Variants in CHST12 observed in about 807,000 individuals in gnomAD.
CHST12 encodes the protein carbohydrate (chondroitin 4) sulfotransferase 12.
CHST12 carries 23 observed loss-of-function variants against 27.9 expected under a neutral mutation model. The ratio of observed to expected loss-of-function variants is 0.82; its 90% confidence interval spans 0.59 to 1.17. The LOEUF (loss-of-function observed/expected upper bound fraction) is 1.17, where lower values mean the gene tolerates loss of function less well. Ranked by LOEUF, CHST12 falls within the 50% of genes most tolerant of loss-of-function variation. The pLI is 0.00. For synonymous variants in CHST12, 322 were observed against 273.0 expected (o/e 1.18, Z -1.77); for missense variants, 682 against 603.0 (o/e 1.13, Z -1.37).
intron 1 of CHST12, among the ~76,000 whole-genome samples, chr7:2,415,499 T>C (rs954078470): frequency 6.6e-6 from 1 of 152,236 alleles, no homozygotes; most frequent in Non-Finnish European, 1.5e-5. Flanking sequence ...ATCTGAGCCT[T>C]CAGCGAGTGG....
At position 2,412,487 on chromosome 7, in the gene CHST12, T is replaced by C. The variant is rs560257260; in HGVS notation, c.-78+8814T>C. Among the ~76,000 whole-genome samples, 19 of 152,332 alleles carry C rather than the reference T, an allele frequency of 1.2e-4. No homozygotes were observed. The South Asian group carries it at 3.9e-3, about 32-fold the overall frequency. On this transcript the variant is annotated intron_variant, in intron 1 of 1. Coordinates refer to ENST00000618655, the MANE Select transcript of CHST12 (RefSeq NM_018641.5). ...CTGGTCTTTGTGTCAGTAGCATAAA[T>C]AAATAAACTTGAAACATTCTTGCGC... is the stretch of plus-strand genomic sequence containing the variant.
At chr7:2,418,625 G>A (rs1044981528) in intron 1 of CHST12, among the ~76,000 whole-genome samples, 11 of 152,214 alleles carry the variant, frequency 7.2e-5, no homozygotes, top group African/African-American at 2.7e-4. Context: ...TGTTTTGGAA[G>A]CAGGTGGGAT....
Position 2,432,852 on chromosome 7 carries a change from C to T in CHST12, c.213C>T (p.Asp71=). 6.2e-7 allele frequency: 1 copy of T among 1,613,882 alleles called. No individual in the cohort carries two copies. Among genetic ancestry groups the T allele is most frequent in the Non-Finnish European group, 8.5e-7 (1 of 1,179,918 alleles). ...ACTCCGATGTCGACGAGTTTCTGGACAAGTTTCTCAGTGCTGGCGTGAAGC... is the reference window on the plus strand; with the variant it reads ...ACTCCGATGTCGACGAGTTTCTGGATAAGTTTCTCAGTGCTGGCGTGAAGC... ...TADSDVDEFL[D]KFLSAGVKQS... is the part of the protein sequence containing the mutation. The change falls in exon 2 of 2, where the codon GAC becomes GAT. Residue 71 remains aspartate, a synonymous_variant. Coordinates refer to ENST00000618655, the MANE Select transcript of CHST12 (RefSeq NM_018641.5).
At chr7:2,407,451 A>G (rs1781552881) in intron 1 of CHST12, among the ~76,000 whole-genome samples, 1 of 152,150 alleles carries the variant, frequency 6.6e-6, no homozygotes, top group Admixed American at 6.6e-5. Flanking sequence ...CCATCTCTAA[A>G]AAATAAAATA....
intron 1 of CHST12, among the ~76,000 whole-genome samples, chr7:2,426,938 C>T (rs750508958): frequency 3.7e-4 from 57 of 152,008 alleles, no homozygotes; most frequent in Non-Finnish European, 1.0e-4. Flanking sequence ...TTGCAGTGAG[C>T]CAAGATCATG....
In CHST12 at chr7:2,446,517, G is replaced by T. The variant is rs1782755719; in HGVS notation, c.*12633G>T. On this transcript the variant is annotated 3_prime_UTR_variant, in exon 2 of 2. Coordinates refer to ENST00000618655, the MANE Select transcript of CHST12 (RefSeq NM_018641.5). ...ACGGAGCCACGACCTGTCCCTCAGG[G>T]CTCAGCGCTGCGGCTATGTCCAGGG... The T allele has an allele frequency of 6.5e-6, 1 of 152,710 alleles. No individual in the cohort carries two copies. The highest frequency in any genetic ancestry group is 1.5e-5 in the Non-Finnish European group (1 of 68,080). 9.5% of individuals were successfully genotyped at this position (152,710 alleles called of 1,614,324 possible). A position where few individuals can be genotyped will look rare whatever the true frequency, so the allele number is the denominator to read the frequency against.
At position 2,438,718 on chromosome 7, in the gene CHST12, G is replaced by A. The variant is rs1194275706; in HGVS notation, c.*4834G>A. Reference sequence around the variant, plus strand: ...CACACATCTGTTGTGTTTTGCCTGTGTGCATTCCTCCTCCTGGTCAGAGAG... The same window carrying A: ...CACACATCTGTTGTGTTTTGCCTGTATGCATTCCTCCTCCTGGTCAGAGAG... On this transcript the variant is annotated 3_prime_UTR_variant, in exon 2 of 2. Coordinates refer to ENST00000618655, the MANE Select transcript of CHST12 (RefSeq NM_018641.5). 1 of 152,230 alleles carries A rather than the reference G, an allele frequency of 6.6e-6. No homozygotes were observed. The highest frequency in any genetic ancestry group is 1.9e-4 in the East Asian group (1 of 5,198). 9.4% of individuals were successfully genotyped at this position (152,230 alleles called of 1,614,324 possible).
intron 1 of CHST12, among the ~76,000 whole-genome samples, chr7:2,428,340 G>A (rs1314088792): frequency 5.3e-5 from 8 of 151,818 alleles, no homozygotes; most frequent in Non-Finnish European, 1.0e-4. Context: ...GATTACAGGC[G>A]TCCACCACCA....
At chr7:2,430,083 T>G (rs1782236190) in intron 1 of CHST12, among the ~76,000 whole-genome samples, 1 of 151,886 alleles carries the variant, frequency 6.6e-6, no homozygotes, top group Non-Finnish European at 1.5e-5. Flanking sequence ...GTGCCCGGCC[T>G]TTTCTGCTTT....
At chr7:2,428,478 C>T (rs1562517783) in intron 1 of CHST12, among the ~76,000 whole-genome samples, 1 of 152,142 alleles carries the variant, frequency 6.6e-6, no homozygotes, top group Admixed American at 6.6e-5. Flanking sequence ...AATAGACACA[C>T]ACAAGACAGT....
intron 1 of CHST12, among the ~76,000 whole-genome samples, chr7:2,425,691 C>CTTTTTTTTTTTTTTTTTTTTTTTTTT (rs760502452): frequency 4.4e-5 from 6 of 137,870 alleles, no homozygotes; most frequent in South Asian, 2.3e-4. Flanking sequence ...ACTGCATTTG[C>CTTTTTTTTTTTTTTTTTTTTTTTTTT]TTTTTTTTTT....
intron 1 of CHST12, among the ~76,000 whole-genome samples, chr7:2,408,413 GA>G (rs1463982939): frequency 1.3e-5 from 2 of 149,692 alleles, no homozygotes; most frequent in Admixed American, 6.7e-5. Flanking sequence ...CCCTCTCCAG[GA>G]CATACTGTTG....
intron 1 of CHST12, among the ~76,000 whole-genome samples, chr7:2,417,226 C>CTT (rs1210382918): frequency 7.2e-5 from 10 of 139,102 alleles, no homozygotes; most frequent in East Asian, 4.1e-4. Context: ...CTTACTCTAC[C>CTT]TTTTTTTTTT....
intron 1 of CHST12, among the ~76,000 whole-genome samples, chr7:2,427,260 A>T (rs2115429219): frequency 6.6e-6 from 1 of 152,326 alleles, no homozygotes; most frequent in South Asian, 2.1e-4. Flanking sequence ...GCACTTTGCG[A>T]GGCCGAGGTG....
rs1583234160 is a variant in CHST12, at chr7:2,441,898, T to C, written c.*8014T>C. The C allele has an allele frequency of 6.6e-6, 1 of 152,164 alleles. No individual in the cohort carries two copies. The highest frequency in any genetic ancestry group is 1.5e-5 in the Non-Finnish European group (1 of 68,042). The allele number at this position is 152,164 out of a possible 1,614,324, so 9.4% of individuals were successfully genotyped here. A position where few individuals can be genotyped will look rare whatever the true frequency, so the allele number is the denominator to read the frequency against. ...GTGGTAAGATACATGCAACATAAAATGTGCCCTCTTCCCCATTTTTAAGTG... is the reference window on the plus strand; with the variant it reads ...GTGGTAAGATACATGCAACATAAAACGTGCCCTCTTCCCCATTTTTAAGTG... On this transcript the variant is annotated 3_prime_UTR_variant, in exon 2 of 2. Coordinates refer to ENST00000618655, the MANE Select transcript of CHST12 (RefSeq NM_018641.5).
chr7:2,445,388 C>T lies in CHST12; in HGVS notation c.*11504C>T, dbSNP rs550200213. On this transcript the variant is annotated 3_prime_UTR_variant, in exon 2 of 2. Transcript: ENST00000618655. ...AGCCGACCCCGCCCCCCAGGGCATT[C>T]GAGAAAAGGGTGCTTGTCTCTTGGT... is the stretch of plus-strand genomic sequence containing the variant. The T allele has an allele frequency of 2.0e-5, 3 of 152,364 alleles. No homozygotes were observed. The highest frequency in any genetic ancestry group is 6.5e-5 in the Admixed American group (1 of 15,302). 9.4% of individuals were successfully genotyped at this position (152,364 alleles called of 1,614,324 possible).
intron 1 of CHST12, among the ~76,000 whole-genome samples, chr7:2,407,387 G>A (rs551471362): frequency 7.9e-5 from 12 of 152,240 alleles, no homozygotes; most frequent in Non-Finnish European, 1.3e-4. Flanking sequence ...GTTTGAGGCT[G>A]CAGTGAGCTG....
intron 1 of CHST12, among the ~76,000 whole-genome samples, chr7:2,416,997 T>G (rs1483581689): frequency 6.6e-6 from 1 of 152,230 alleles, no homozygotes; most frequent in Non-Finnish European, 1.5e-5. Flanking sequence ...TAAGCTTAAC[T>G]TTCCCTTTAG....
At chr7:2,415,001 G>A (rs558399719) in intron 1 of CHST12, among the ~76,000 whole-genome samples, 2 of 152,226 alleles carry the variant, frequency 1.3e-5, no homozygotes, top group South Asian at 2.1e-4. Context: ...GTTCAGTTCT[G>A]GACCACCACA....
Sources: allele counts gnomAD v4.1 joint callset (sites outside exome capture counted in the v4.1 genomes callset), GRCh38; gene constraint gnomAD v4.1.1; transcripts MANE v1.5; gene names NCBI Gene and HGNC (gene_info 2026-07-23, HGNC 2026-07-21).